Variants in EPC2 observed in about 807,000 individuals in gnomAD.
EPC2 encodes enhancer of polycomb homolog 2.
In EPC2, 14 loss-of-function variants were observed where a neutral mutation model predicts 92.1. That is an observed-to-expected ratio of 0.15 (90% CI 0.10 to 0.24). The LOEUF is 0.24. Among genes scored for constraint, EPC2 ranks in the 10% least tolerant of loss-of-function variants. The pLI, the probability that EPC2 is intolerant of heterozygous loss-of-function variation, is 1.00. For synonymous variants in EPC2, 340 were observed against 334.7 expected (o/e 1.02, Z -0.17); for missense variants, 755 against 971.5 (o/e 0.78, Z 2.96).
rs1398105402 is a variant in EPC2, at chr2:148,786,706, C to G, written c.*329C>G. On this transcript the variant is annotated 3_prime_UTR_variant, in exon 14 of 14. Coordinates refer to ENST00000258484, the MANE Select transcript of EPC2 (RefSeq NM_015630.4). Reference sequence around the variant, plus strand: ...ATCATGAGCATGAAATGGGATCCTGCATCACTTGTTTTAACTATTTATTTT... The same window carrying G: ...ATCATGAGCATGAAATGGGATCCTGGATCACTTGTTTTAACTATTTATTTT... 5.7e-6 allele frequency: 1 copy of G among 175,410 alleles called. No homozygotes were observed. The highest frequency in any genetic ancestry group is 1.2e-5 in the Non-Finnish European group (1 of 83,352). The allele number at this position is 175,410 out of a possible 1,614,324, so 10.9% of individuals were successfully genotyped here.
intron 2 of EPC2, among the ~76,000 whole-genome samples, chr2:148,714,119 G>A (rs1682212110): frequency 7.1e-6 from 1 of 140,612 alleles, no homozygotes; most frequent in Admixed American, 8.0e-5. Context: ...GTGTCCATGT[G>A]TTCTCATCAT....
At chr2:148,658,552 G>T (rs74463561) in intron 1 of EPC2, among the ~76,000 whole-genome samples, 1 of 151,540 alleles carries the variant, frequency 6.6e-6, no homozygotes, top group Admixed American at 6.6e-5. Flanking sequence ...TAGCAAGTAG[G>T]CGAATTTGCA....
At chr2:148,688,074 A>G (rs1259724716) in intron 1 of EPC2, among the ~76,000 whole-genome samples, 1 of 152,214 alleles carries the variant, frequency 6.6e-6, no homozygotes, top group Non-Finnish European at 1.5e-5. Flanking sequence ...AAAGGCTTGA[A>G]TGAAATTAAG....
At chr2:148,771,790 T>C (rs971659650) in intron 10 of EPC2, among the ~76,000 whole-genome samples, 1 of 150,254 alleles carries the variant, frequency 6.7e-6, no homozygotes, top group African/African-American at 2.4e-5. Context: ...TTTAGGAGAC[T>C]CCCTGTGAAT....
intron 10 of EPC2, among the ~76,000 whole-genome samples, chr2:148,772,330 T>C (rs1683539103): frequency 6.6e-6 from 1 of 152,210 alleles, no homozygotes; most frequent in Admixed American, 6.5e-5. Flanking sequence ...ACATTGTATA[T>C]ATGCATTGTA....
chr2:148,691,613 T>C, intron 2 of EPC2: 2 of 1,550,478 alleles, frequency 1.3e-6, no homozygotes, highest in Non-Finnish European at 1.7e-6. Context: ...TTCATTTGTT[T>C]CTGCCAGGCA....
At chr2:148,693,650 A>C (rs1681684509) in intron 2 of EPC2, among the ~76,000 whole-genome samples, 1 of 152,194 alleles carries the variant, frequency 6.6e-6, no homozygotes, top group Non-Finnish European at 1.5e-5. Flanking sequence ...TACCTAGTAC[A>C]GTCCCAGAGT....
At chr2:148,654,814 C>A (rs1237304102) in intron 1 of EPC2, among the ~76,000 whole-genome samples, 1 of 152,160 alleles carries the variant, frequency 6.6e-6, no homozygotes, top group East Asian at 1.9e-4. Context: ...GCTAAGAGAA[C>A]TAAATCTTCA....
chr2:148,775,362 G>C (rs1348426200), intron 10 of EPC2, among the ~76,000 whole-genome samples: 1 of 151,870 alleles, frequency 6.6e-6, no homozygotes, highest in South Asian at 2.1e-4. Flanking sequence ...TGAAATTACA[G>C]TATTATTTAA....
chr2:148,780,286 A>G (rs1170559140), intron 10 of EPC2, among the ~76,000 whole-genome samples: 1 of 152,190 alleles, frequency 6.6e-6, no homozygotes, highest in African/African-American at 2.4e-5. Flanking sequence ...ACAAATTTTA[A>G]TGGTAATATT....
intron 1 of EPC2, among the ~76,000 whole-genome samples, chr2:148,662,858 T>A (rs13026273): frequency 1.3e-5 from 2 of 152,068 alleles, no homozygotes; most frequent in Non-Finnish European, 2.9e-5. Context: ...TTTTATTATT[T>A]GCTTTCCTGC....
intron 4 of EPC2, among the ~76,000 whole-genome samples, chr2:148,756,012 G>T (rs1346374828): frequency 6.6e-6 from 1 of 152,152 alleles, no homozygotes; most frequent in Non-Finnish European, 1.5e-5. Flanking sequence ...TAGTGAATGG[G>T]TATGGAATAC....
intron 2 of EPC2, among the ~76,000 whole-genome samples, chr2:148,723,658 A>C (rs934370553): frequency 6.6e-6 from 1 of 152,162 alleles, no homozygotes; most frequent in Non-Finnish European, 1.5e-5. Flanking sequence ...AGTTTCTTCT[A>C]AGTTTCTTAC....
At chr2:148,754,171 T>C (rs1467944674) in intron 4 of EPC2, 38 bp downstream of exon 4, 1 of 1,462,668 alleles carries the variant, frequency 6.8e-7, no homozygotes, top group Admixed American at 2.2e-5. Flanking sequence ...GGTAGCTTAA[T>C]AGTATTCAAG....
In EPC2 at chr2:148,644,880, G is replaced by A; in HGVS notation, c.-138G>A. Reference sequence around the variant, plus strand: ...CGGGGTGGGCGCCCATGCTGTGGCCGGGGGCAGTGAGGAGGAGGAGGAGCG... The same window carrying A: ...CGGGGTGGGCGCCCATGCTGTGGCCAGGGGCAGTGAGGAGGAGGAGGAGCG... On this transcript the variant is annotated 5_prime_UTR_variant, in exon 1 of 14. Coordinates refer to ENST00000258484, the MANE Select transcript of EPC2 (RefSeq NM_015630.4). 1 of 710,804 alleles carries A rather than the reference G, an allele frequency of 1.4e-6. No homozygotes were observed. Among genetic ancestry groups the A allele is most frequent in the Non-Finnish European group, 2.3e-6 (1 of 440,704 alleles). The allele number at this position is 710,804 out of a possible 1,614,324, so 44.0% of individuals were successfully genotyped here.
chr2:148,719,765 G>A (rs1682331843), intron 2 of EPC2, among the ~76,000 whole-genome samples: 2 of 152,236 alleles, frequency 1.3e-5, no homozygotes, highest in Non-Finnish European at 2.9e-5. Context: ...TAGAGCAGCT[G>A]TGCTGTGTTG....
chr2:148,697,407 C>CGGA (rs761232869), intron 2 of EPC2, among the ~76,000 whole-genome samples: 2 of 151,656 alleles, frequency 1.3e-5, no homozygotes, highest in Non-Finnish European at 2.9e-5. Context: ...GCACTGTTCT[C>CGGA]ATTTGGCCTG....
chr2:148,725,209 CTA>C (rs956668592), intron 2 of EPC2, among the ~76,000 whole-genome samples: 10 of 152,010 alleles, frequency 6.6e-5, no homozygotes, highest in Admixed American at 3.3e-4. Flanking sequence ...TATTTTGAGA[CTA>C]TTTTAATTAA....
chr2:148,778,770 T>G (rs1574639193), intron 10 of EPC2, among the ~76,000 whole-genome samples: 1 of 152,114 alleles, frequency 6.6e-6, no homozygotes, highest in Non-Finnish European at 1.5e-5. Flanking sequence ...AAATTCTGAA[T>G]GAGGAAAATC....
Sources: gnomAD v4.1 joint callset for allele counts (sites outside exome capture counted in the v4.1 genomes callset) on GRCh38, gnomAD v4.1.1 for gene constraint, MANE v1.5 for transcripts, NCBI Gene and HGNC (gene_info 2026-07-23, HGNC 2026-07-21) for gene names.